DACH1: variants seen among roughly 807,000 people sequenced by gnomAD.
DACH1 encodes dachshund homolog 1.
In DACH1, 12 loss-of-function variants were observed where a neutral mutation model predicts 54.2. The observed-to-expected ratio is 0.22, with a 90% confidence interval of 0.14 to 0.36. The LOEUF is 0.36. DACH1 is among the 10% of genes least tolerant of loss of function. DACH1 has a pLI of 1.00. For synonymous variants in DACH1, 386 were observed against 366.2 expected, an observed-to-expected ratio of 1.05 and a Z score of -0.62; for missense variants, 805 against 929.8, an observed-to-expected ratio of 0.87 and a Z score of 1.75.
At chr13:71,709,014 G>C (rs900295762) in intron 1 of DACH1, among the ~76,000 whole-genome samples, 1 of 151,662 alleles carries the variant, frequency 6.6e-6, no homozygotes, top group East Asian at 2.0e-4. Flanking sequence ...CACCATGCCC[G>C]ACTAATTTTT....
chr13:71,666,064 C>T (rs146169029), intron 2 of DACH1, among the ~76,000 whole-genome samples: 2,090 of 152,068 alleles, frequency 0.014, 32 homozygotes, highest in African/African-American at 0.033. Context: ...ATTATACTTA[C>T]TAATGGAATC....
At chr13:71,572,782 T>A (rs1885294699) in intron 4 of DACH1, 58 bp downstream of exon 4, 4 of 1,529,454 alleles carry the variant, frequency 2.6e-6, no homozygotes, top group Non-Finnish European at 2.7e-6. Flanking sequence ...GAAAAATGGA[T>A]TAAGGGATGG....
At chr13:71,589,320 C>T (rs1238196282) in intron 3 of DACH1, among the ~76,000 whole-genome samples, 11 of 151,718 alleles carry the variant, frequency 7.3e-5, no homozygotes, top group African/African-American at 1.9e-4. Flanking sequence ...ACTCTAATTT[C>T]GAACTATGCT....
intron 1 of DACH1, among the ~76,000 whole-genome samples, chr13:71,803,568 T>C (rs1187303694): frequency 1.3e-5 from 2 of 152,152 alleles, no homozygotes; most frequent in African/African-American, 2.4e-5. Flanking sequence ...ATTCCTCACA[T>C]AGACAACTTA....
chr13:71,814,279 A>T (rs1887828552), intron 1 of DACH1, among the ~76,000 whole-genome samples: 1 of 152,220 alleles, frequency 6.6e-6, no homozygotes, highest in Non-Finnish European at 1.5e-5. Flanking sequence ...TAGCTTAGCT[A>T]CATAACCAAC....
chr13:71,673,630 G>A (rs949146594), intron 2 of DACH1, among the ~76,000 whole-genome samples: 5 of 152,060 alleles, frequency 3.3e-5, no homozygotes, highest in African/African-American at 1.2e-4. Context: ...GGCTGGGGGA[G>A]AGAATGCATT....
intron 1 of DACH1, among the ~76,000 whole-genome samples, chr13:71,757,619 G>C (rs982594157): frequency 6.6e-6 from 1 of 151,036 alleles, no homozygotes; most frequent in East Asian, 2.0e-4. Flanking sequence ...TGCCTCCCAG[G>C]TTCAAGCGAT....
At chr13:71,481,703 G>C (rs940154969) in intron 7 of DACH1, among the ~76,000 whole-genome samples, 1 of 152,114 alleles carries the variant, frequency 6.6e-6, no homozygotes, top group Admixed American at 6.6e-5. Flanking sequence ...ATATGCAAAA[G>C]TATGTTACCG....
chr13:71,440,746 G>T, intron 10 of DACH1, 54 bp from the exon 11 acceptor site: 1 of 1,369,690 alleles, frequency 7.3e-7, no homozygotes, highest in Non-Finnish European at 1.0e-6. Flanking sequence ...GGGTACAAAT[G>T]TGCATGTAAA....
intron 1 of DACH1, among the ~76,000 whole-genome samples, chr13:71,740,830 A>G (rs937984319): frequency 6.6e-6 from 1 of 152,172 alleles, no homozygotes; most frequent in Non-Finnish European, 1.5e-5. Context: ...CATTTTTCAT[A>G]CTGAAAACAT....
intron 7 of DACH1, among the ~76,000 whole-genome samples, chr13:71,486,157 T>A (rs952266143): frequency 2.0e-5 from 3 of 152,018 alleles, no homozygotes; most frequent in East Asian, 1.9e-4. Flanking sequence ...CCAGGCTTTT[T>A]AAATTATAAT....
chr13:71,464,224 A>G (rs1876352139), intron 10 of DACH1, among the ~76,000 whole-genome samples: 1 of 151,996 alleles, frequency 6.6e-6, no homozygotes, highest in Non-Finnish European at 1.5e-5. Flanking sequence ...TAACATTGTC[A>G]TTAAAAAAAA....
chr13:71,835,754 C>T (rs924574743), intron 1 of DACH1, among the ~76,000 whole-genome samples: 1 of 151,962 alleles, frequency 6.6e-6, no homozygotes, highest in African/African-American at 2.4e-5. Flanking sequence ...CTATGCCACT[C>T]TGAAGGAATG....
intron 1 of DACH1, among the ~76,000 whole-genome samples, chr13:71,834,093 C>A (rs1888688814): frequency 6.6e-6 from 1 of 151,958 alleles, no homozygotes; most frequent in South Asian, 2.1e-4. Flanking sequence ...CTACCATTTA[C>A]CTTCTCCAAG....
intron 1 of DACH1, among the ~76,000 whole-genome samples, chr13:71,743,752 TTTC>T (rs1208731769): frequency 6.6e-6 from 1 of 152,180 alleles, no homozygotes. Flanking sequence ...GAAAAAAAGT[TTTC>T]TAATTTGTTC....
intron 6 of DACH1, among the ~76,000 whole-genome samples, chr13:71,494,753 T>C (rs770293845): frequency 2.6e-4 from 40 of 152,072 alleles, no homozygotes; most frequent in Non-Finnish European, 4.0e-4. Flanking sequence ...TTGATAATTA[T>C]AACAACATAC....
intron 1 of DACH1, among the ~76,000 whole-genome samples, chr13:71,847,096 CAT>C (rs1272798327): frequency 2.0e-5 from 3 of 152,026 alleles, no homozygotes; most frequent in Admixed American, 2.0e-4. Flanking sequence ...CCTATAAAAT[CAT>C]ATGAGTATAT....
At chr13:71,565,737 C>T (rs1884857863) in intron 4 of DACH1, among the ~76,000 whole-genome samples, 2 of 152,072 alleles carry the variant, frequency 1.3e-5, no homozygotes, top group Admixed American at 1.3e-4. Flanking sequence ...ATGAAACTGG[C>T]AAGACCCCGT....
chr13:71,751,374 T>C (rs1052897004), intron 1 of DACH1, among the ~76,000 whole-genome samples: 1 of 152,242 alleles, frequency 6.6e-6, no homozygotes, highest in Admixed American at 6.5e-5. Context: ...ATTTTTATCA[T>C]GTACACAGAT....
Sources: allele counts gnomAD v4.1 joint callset (sites outside exome capture counted in the v4.1 genomes callset), GRCh38; gene constraint gnomAD v4.1.1; transcripts MANE v1.5; gene names NCBI Gene and HGNC (gene_info 2026-07-23, HGNC 2026-07-21).